The following TNIK variants were observed in gnomAD, a reference collection of about 807,000 sequenced individuals.
TNIK encodes the protein TRAF2 and NCK interacting kinase, also known as TRAF2 and NCK-interacting protein kinase.
A neutral mutation model predicts 191.3 loss-of-function variants in TNIK; 49 were observed. The ratio of observed to expected loss-of-function variants is 0.26; its 90% CI spans 0.20 to 0.32. The LOEUF is 0.32. Ranked by LOEUF, TNIK falls within the 10% of genes least tolerant of loss-of-function variation. TNIK has a pLI of 1.00. For missense variants in TNIK, 1,155 were observed against 1,702.3 expected, an observed-to-expected ratio of 0.68 and a Z score of 5.66; for synonymous variants, 594 against 600.9, an observed-to-expected ratio of 0.99 and a Z score of 0.17.
chr3:171,140,554 TG>T, intron 12 of TNIK, 45 bp from the exon 13 acceptor site: 3 of 1,581,500 alleles, frequency 1.9e-6, no homozygotes, highest in Non-Finnish European at 8.7e-7. Context: ...CAGGCCCCGG[TG>T]GGGGGTGTCA....
intron 22 of TNIK, among the ~76,000 whole-genome samples, chr3:171,101,054 A>G (rs766779341): frequency 1.7e-4 from 26 of 152,224 alleles, no homozygotes; most frequent in Non-Finnish European, 3.8e-4. Context: ...AATGAAATAC[A>G]TGTTTTATGT....
At chr3:171,331,732 G>A (rs1042017560) in intron 2 of TNIK, among the ~76,000 whole-genome samples, 2 of 152,184 alleles carry the variant, frequency 1.3e-5, no homozygotes, top group African/African-American at 4.8e-5. Flanking sequence ...CAGGATGTGT[G>A]AAATGCATGA....
At chr3:171,152,297 AAAAG>A (rs1338427223) in intron 12 of TNIK, among the ~76,000 whole-genome samples, 4 of 152,128 alleles carry the variant, frequency 2.6e-5, no homozygotes, top group African/African-American at 9.7e-5. Context: ...TAATTAAAAA[AAAAG>A]AAAAAAGGAA....
intron 16 of TNIK, 54 bp from the exon 17 acceptor site, chr3:171,126,205 C>A: frequency 2.0e-6 from 3 of 1,482,258 alleles, no homozygotes; most frequent in Non-Finnish European, 2.7e-6. Context: ...AAGAGATCAG[C>A]CAGTACCTCA....
chr3:171,460,289 A>C lies in TNIK; in HGVS notation c.-226T>G. On this transcript the variant is annotated 5_prime_UTR_variant, in exon 1 of 33. Coordinates refer to ENST00000436636, the MANE Select transcript of TNIK (RefSeq NM_015028.4). The surrounding 1 kb of genome is among the most constrained non-coding windows in gnomAD (Gnocchi z 6.8). ...CTGCGCGGATCTCCAAGCCCCGAGC[A>C]GCGGTGCGTGTGGGCTGAGCGCCCC... The C allele has an allele frequency of 1.6e-6, 1 of 606,826 alleles. No homozygotes were observed. The allele number at this position is 606,826 out of a possible 1,614,324, so 37.6% of individuals were successfully genotyped here.
At chr3:171,307,104 A>ATT (rs1160290842) in intron 2 of TNIK, among the ~76,000 whole-genome samples, 1 of 152,222 alleles carries the variant, frequency 6.6e-6, no homozygotes, top group African/African-American at 2.4e-5. Context: ...CTCAGCCCTA[A>ATT]TACCAAATCG....
At chr3:171,352,663 T>G (rs1288403297) in intron 2 of TNIK, among the ~76,000 whole-genome samples, 3 of 152,192 alleles carry the variant, frequency 2.0e-5, no homozygotes. Flanking sequence ...GAGGAAATGC[T>G]TTAATACTGA....
chr3:171,286,799 A>C (rs2108218459), intron 2 of TNIK, among the ~76,000 whole-genome samples: 1 of 152,364 alleles, frequency 6.6e-6, no homozygotes, highest in South Asian at 2.1e-4. Context: ...CTATTTACAC[A>C]ATCTCATTTA....
chr3:171,065,080 C>G (rs895604952), intron 32 of TNIK, among the ~76,000 whole-genome samples: 2 of 152,218 alleles, frequency 1.3e-5, no homozygotes, highest in Non-Finnish European at 2.9e-5. Context: ...GGTGTGGCCC[C>G]AGCCTACTCC....
At chr3:171,324,818 G>A (rs567200134) in intron 2 of TNIK, among the ~76,000 whole-genome samples, 53 of 152,230 alleles carry the variant, frequency 3.5e-4, no homozygotes, top group Non-Finnish European at 6.0e-4. Context: ...AGAACTCAGG[G>A]CCGGGCGCGG....
At chr3:171,183,781 C>A (rs571861576) in intron 7 of TNIK, among the ~76,000 whole-genome samples, 8 of 151,874 alleles carry the variant, frequency 5.3e-5, no homozygotes, top group Non-Finnish European at 8.8e-5. Context: ...ATTCACTGGG[C>A]GTGGTGGCGG....
At chr3:171,317,907 T>G (rs1754809238) in intron 2 of TNIK, among the ~76,000 whole-genome samples, 1 of 152,146 alleles carries the variant, frequency 6.6e-6, no homozygotes, top group African/African-American at 2.4e-5. Flanking sequence ...TATATTGAAA[T>G]TGTGCCCATG....
chr3:171,104,854 T>C (rs1378765343), intron 21 of TNIK, among the ~76,000 whole-genome samples: 1 of 152,128 alleles, frequency 6.6e-6, no homozygotes, highest in Non-Finnish European at 1.5e-5. Context: ...CAATCTAAAT[T>C]GATGTGCTTT....
At chr3:171,281,527 T>C (rs114283560) in intron 2 of TNIK, among the ~76,000 whole-genome samples, 42 of 152,334 alleles carry the variant, frequency 2.8e-4, no homozygotes, top group African/African-American at 9.9e-4. Context: ...ATCTACCACA[T>C]AGGACTTTTG....
At chr3:171,403,906 C>T (rs1458253159) in intron 1 of TNIK, among the ~76,000 whole-genome samples, 1 of 152,174 alleles carries the variant, frequency 6.6e-6, no homozygotes, top group Non-Finnish European at 1.5e-5. Context: ...GTTCTTTTGA[C>T]AGCATCAACT....
chr3:171,196,810 G>A (rs559518436), intron 4 of TNIK, among the ~76,000 whole-genome samples: 1 of 152,188 alleles, frequency 6.6e-6, no homozygotes, highest in Admixed American at 6.5e-5. Context: ...TGTCACCCAG[G>A]CTGGCGCGAT....
intron 29 of TNIK, among the ~76,000 whole-genome samples, chr3:171,069,280 C>A (rs1173833374): frequency 1.3e-5 from 2 of 152,102 alleles, no homozygotes; most frequent in Non-Finnish European, 2.9e-5. Context: ...AACCTGGTGC[C>A]TGGGTATTGC....
chr3:171,128,568 G>A (rs1728798633), intron 16 of TNIK, 146 bp downstream of exon 16: 1 of 1,024,992 alleles, frequency 9.8e-7, no homozygotes, highest in South Asian at 3.5e-5. Flanking sequence ...AAAATCAGTG[G>A]GGCCACCTAT....
At chr3:171,220,617 T>C (rs999461598) in intron 3 of TNIK, among the ~76,000 whole-genome samples, 2 of 152,046 alleles carry the variant, frequency 1.3e-5, no homozygotes, top group Non-Finnish European at 2.9e-5. Context: ...AGGAACTTGA[T>C]TGGAAATCAT....
Sources: gnomAD v4.1 joint callset for allele counts (sites outside exome capture counted in the v4.1 genomes callset) on GRCh38, gnomAD v4.1.1 for gene constraint, Gnocchi (gnomAD v3.1) non-coding constraint, MANE v1.5 for transcripts, NCBI Gene and HGNC (gene_info 2026-07-23, HGNC 2026-07-21) for gene names.